Variants in SNX24 observed in about 807,000 individuals in gnomAD.
SNX24 encodes the protein sorting nexin 24, also known as sorting nexin-24.
A neutral mutation model predicts 28.7 loss-of-function variants in SNX24; 22 were observed. That is an observed-to-expected ratio of 0.77 (90% CI 0.55 to 1.10). The LOEUF (loss-of-function observed/expected upper bound fraction) is 1.10, where lower values mean the gene tolerates loss of function less well. Ranked by LOEUF, SNX24 falls within the 50% of genes least tolerant of loss-of-function variation. SNX24 has a pLI of 0.00. For missense variants in SNX24, 221 were observed against 201.1 expected (o/e 1.10, Z -0.60); for synonymous variants, 69 against 71.5 (o/e 0.96, Z 0.18).
At chr5:122,881,849 A>G (rs1756497051) in intron 1 of SNX24, among the ~76,000 whole-genome samples, 1 of 151,704 alleles carries the variant, frequency 6.6e-6, no homozygotes, top group East Asian at 1.9e-4. Context: ...AGTAAATTAA[A>G]GATGTCATAT....
chr5:122,912,592 AT>A, intron 1 of SNX24, among the ~76,000 whole-genome samples: 1 of 152,070 alleles, frequency 6.6e-6, no homozygotes. Flanking sequence ...TCAGTATGAT[AT>A]TGGCTGTGGG....
intron 1 of SNX24, among the ~76,000 whole-genome samples, chr5:122,879,788 T>C (rs1476880863): frequency 6.6e-6 from 1 of 152,214 alleles, no homozygotes; most frequent in Admixed American, 6.5e-5. Flanking sequence ...CCCAAAGTGC[T>C]GAGATTACAG....
Position 123,008,385 on chromosome 5 carries a change from A to G in SNX24, c.*636A>G, listed in dbSNP as rs17149786. 2.3e-3 allele frequency: 1,689 copies of G among 733,582 alleles called. 25 individuals are homozygous for G. The African/African-American group carries it at 0.03, about 13-fold the overall frequency. The allele number at this position is 733,582 out of a possible 1,614,324, so 45.4% of individuals were successfully genotyped here. ...AGGGGTTAGCTTCCAAGGTCAGTAC[A>G]TAGGTAAAATGGGCTATTAGGATGA... On this transcript the variant is annotated 3_prime_UTR_variant, in exon 7 of 7. Coordinates refer to ENST00000261369, the MANE Select transcript of SNX24 (RefSeq NM_014035.4).
intron 2 of SNX24, among the ~76,000 whole-genome samples, chr5:122,944,779 CTT>C (rs1561636228): frequency 6.6e-6 from 1 of 152,124 alleles, no homozygotes; most frequent in African/African-American, 2.4e-5. Flanking sequence ...TGAATATACT[CTT>C]ACATATGGAA....
intron 3 of SNX24, among the ~76,000 whole-genome samples, chr5:122,972,306 G>A (rs1161139975): frequency 6.6e-6 from 1 of 152,168 alleles, no homozygotes; most frequent in Non-Finnish European, 1.5e-5. Flanking sequence ...TTGCTAGTGG[G>A]TCACTAGGGG....
intron 1 of SNX24, among the ~76,000 whole-genome samples, chr5:122,876,392 T>C (rs541274852): frequency 2.6e-5 from 4 of 152,346 alleles, no homozygotes; most frequent in African/African-American, 9.6e-5. Flanking sequence ...GCTTAATTAA[T>C]ATATTGGTAA....
chr5:122,916,454 T>C (rs1288625009), intron 1 of SNX24, among the ~76,000 whole-genome samples: 1 of 152,066 alleles, frequency 6.6e-6, no homozygotes, highest in Non-Finnish European at 1.5e-5. Context: ...CTCACTTTTC[T>C]TAATTCTTTA....
At chr5:122,942,597 T>A (rs1759504116) in intron 2 of SNX24, among the ~76,000 whole-genome samples, 1 of 152,228 alleles carries the variant, frequency 6.6e-6, no homozygotes, top group South Asian at 2.1e-4. Context: ...CTGTGTAAAT[T>A]CTTCTAGCAG....
intron 1 of SNX24, among the ~76,000 whole-genome samples, chr5:122,922,966 A>G (rs916460202): frequency 6.6e-6 from 1 of 152,158 alleles, no homozygotes; most frequent in East Asian, 1.9e-4. Flanking sequence ...TTACAGTGCA[A>G]CTATTTTTAA....
At chr5:122,956,289 G>C (rs1167529994) in intron 3 of SNX24, among the ~76,000 whole-genome samples, 2 of 151,550 alleles carry the variant, frequency 1.3e-5, no homozygotes, top group Non-Finnish European at 2.9e-5. Flanking sequence ...CACAGTCTCT[G>C]CAGGGAAGGC....
intron 1 of SNX24, among the ~76,000 whole-genome samples, chr5:122,895,553 A>T (rs994588052): frequency 6.6e-6 from 1 of 152,068 alleles, no homozygotes. Flanking sequence ...TGGTGGAAGG[A>T]TGGGGTTGTG....
intron 1 of SNX24, among the ~76,000 whole-genome samples, chr5:122,935,694 A>G (rs1050596215): frequency 2.7e-5 from 4 of 149,540 alleles, no homozygotes; most frequent in African/African-American, 9.9e-5. Flanking sequence ...ATCTATTTTC[A>G]TAATGAAGAT....
chr5:122,955,428 C>A (rs1417955224), intron 3 of SNX24, among the ~76,000 whole-genome samples: 1 of 152,132 alleles, frequency 6.6e-6, no homozygotes, highest in East Asian at 1.9e-4. Flanking sequence ...TTGAGATCTT[C>A]CTGGTTCTTG....
chr5:123,005,966 A>G (rs1762409701), intron 6 of SNX24, among the ~76,000 whole-genome samples: 1 of 152,194 alleles, frequency 6.6e-6, no homozygotes, highest in South Asian at 2.1e-4. Flanking sequence ...AGATTTTCTA[A>G]GATATAGTTT....
intron 1 of SNX24, among the ~76,000 whole-genome samples, chr5:122,887,468 G>A (rs200750794): frequency 4.6e-5 from 7 of 152,164 alleles, no homozygotes; most frequent in South Asian, 2.1e-4. Flanking sequence ...CTGAGGACTC[G>A]GGTCTTTATT....
chr5:122,893,146 A>G (rs1022670679), intron 1 of SNX24, among the ~76,000 whole-genome samples: 2 of 150,182 alleles, frequency 1.3e-5, no homozygotes, highest in African/African-American at 2.5e-5. Context: ...TTGTATTTCT[A>G]TAGACCCATG....
chr5:122,848,985 C>A (rs1433987000), intron 1 of SNX24, among the ~76,000 whole-genome samples: 1 of 152,134 alleles, frequency 6.6e-6, no homozygotes, highest in Non-Finnish European at 1.5e-5. Context: ...GGTCTGCCTC[C>A]TCTTTCTAAC....
intron 3 of SNX24, among the ~76,000 whole-genome samples, chr5:122,975,503 A>G (rs1303052515): frequency 1.3e-5 from 2 of 152,128 alleles, no homozygotes; most frequent in African/African-American, 4.8e-5. Flanking sequence ...TACTTGATAT[A>G]TTTAACTTTT....
chr5:122,964,247 C>CAAAAAAAAAAAAAAAAAAAAAAAAAA (rs34174497), intron 3 of SNX24, among the ~76,000 whole-genome samples: 32 of 36,578 alleles, frequency 8.7e-4, no homozygotes, highest in Non-Finnish European at 1.3e-3. Context: ...GACTCCATCT[C>CAAAAAAAAAAAAAAAAAAAAAAAAAA]AAAAAAAAAA....
Sources: gnomAD v4.1 joint callset for allele counts (sites outside exome capture counted in the v4.1 genomes callset) on GRCh38, gnomAD v4.1.1 for gene constraint, MANE v1.5 for transcripts, NCBI Gene and HGNC (gene_info 2026-07-23, HGNC 2026-07-21) for gene names.